RNF152: variants seen among roughly 807,000 people sequenced by gnomAD.
RNF152 encodes the protein E3 ubiquitin-protein ligase RNF152.
Under a neutral mutation model 12.7 loss-of-function variants are expected in RNF152, and 11 were observed. The ratio of observed to expected loss-of-function variants is 0.86; its 90% confidence interval spans 0.54 to 1.43. RNF152 has a LOEUF of 1.43. Among genes scored for constraint, RNF152 ranks in the 40% most tolerant of loss-of-function variants. The pLI is 0.00. For synonymous variants in RNF152, 113 were observed against 120.3 expected (o/e 0.94, Z 0.40); for missense variants, 255 against 274.8 (o/e 0.93, Z 0.51).
chr18:61,823,500 T>C (rs1909516492), intron 1 of RNF152, among the ~76,000 whole-genome samples: 1 of 152,212 alleles, frequency 6.6e-6, no homozygotes, highest in South Asian at 2.1e-4. Context: ...GGTTTCGCCA[T>C]ATTGGCCAGG....
At position 61,820,328 on chromosome 18, in the gene RNF152, CACCAAAAA is replaced by C. The variant is rs1365604508; in HGVS notation, c.-135-3738_-135-3731del. Among the ~76,000 whole-genome samples, 83 of 28,098 alleles carry C rather than the reference CACCAAAAA, an allele frequency of 3.0e-3. 1 individual carries two copies. Among genetic ancestry groups the C allele is most frequent in the African/African-American group, 5.8e-3 (30 of 5,214 alleles). 18.4% of individuals were successfully genotyped at this position (28,098 alleles called of 152,430 possible). On this transcript the variant is annotated intron_variant, in intron 1 of 1. Coordinates refer to ENST00000312828, the MANE Select transcript of RNF152 (RefSeq NM_173557.3). Reference sequence around the variant, plus strand: ...TGGGTGACAGAGAGAGACTCCGTCTCACCAAAAAAAAAAAAAAAAAAAAAAAAAAAAGA... The same window carrying C: ...TGGGTGACAGAGAGAGACTCCGTCTCAAAAAAAAAAAAAAAAAAAAAAAGA...
intron 1 of RNF152, among the ~76,000 whole-genome samples, chr18:61,819,897 T>C (rs1909298175): frequency 6.6e-6 from 1 of 151,682 alleles, no homozygotes; most frequent in Non-Finnish European, 1.5e-5. Context: ...GGTGGACACC[T>C]GTAATCCCAG....
In RNF152 at chr18:61,815,969, G is replaced by C. The variant is rs4538107; in HGVS notation, c.495C>G (p.Thr165=). The change falls in exon 2 of 2, where the codon ACC becomes ACG. Residue 165 remains threonine (T), a synonymous_variant. Coordinates refer to ENST00000312828, the MANE Select transcript of RNF152 (RefSeq NM_173557.3). The stretch of plus-strand genomic sequence containing the variant: ...AGATGACAGTGCACACCCCCGACCA[G>C]GTGGAGCTTTTCACCACGCCCCGCC... ...QDRRGVVKSS[T]WSGVCTVILV... 98,275 of 1,614,136 alleles carry C rather than the reference G, an allele frequency of 0.061. 3,537 individuals are homozygous for C. The highest frequency in any genetic ancestry group is 0.07 in the Non-Finnish European group (82,369 of 1,180,000).
At chr18:61,888,442 G>A (rs1599331467) in intron 1 of RNF152, 1 of 152,142 alleles carries the variant, frequency 6.6e-6, no homozygotes, top group African/African-American at 2.4e-5. Flanking sequence ...AGTAGAAACC[G>A]TACTTTGAGT....
chr18:61,828,889 A>G (rs776254447), intron 1 of RNF152, among the ~76,000 whole-genome samples: 93 of 152,202 alleles, frequency 6.1e-4, no homozygotes, highest in Non-Finnish European at 1.3e-4. Context: ...AACTACAGTC[A>G]TGTGATTGAT....
intron 1 of RNF152, among the ~76,000 whole-genome samples, chr18:61,822,552 T>C (rs2144628516): frequency 6.6e-6 from 1 of 152,372 alleles, no homozygotes; most frequent in South Asian, 2.1e-4. Context: ...TGAATTTTTA[T>C]AATCCCAGTT....
intron 1 of RNF152, chr18:61,890,296 C>G (rs1430530634): frequency 6.6e-6 from 1 of 152,320 alleles, no homozygotes; most frequent in South Asian, 2.1e-4. Flanking sequence ...CCTTTTTCAG[C>G]ACAAGAAATA....
intron 1 of RNF152, among the ~76,000 whole-genome samples, chr18:61,841,585 G>A (rs535834881): frequency 3.9e-5 from 6 of 152,234 alleles, no homozygotes; most frequent in African/African-American, 1.4e-4. Context: ...TAACTTTGGG[G>A]GGTTACAAGT....
At chr18:61,863,303 C>A (rs549253487) in intron 1 of RNF152, among the ~76,000 whole-genome samples, 27 of 152,120 alleles carry the variant, frequency 1.8e-4, no homozygotes, top group Non-Finnish European at 3.5e-4. Flanking sequence ...GGCGTGGTGA[C>A]ACACGCCTGT....
chr18:61,830,887 T>C (rs544121740), intron 1 of RNF152, among the ~76,000 whole-genome samples: 44 of 152,336 alleles, frequency 2.9e-4, no homozygotes, highest in Non-Finnish European at 6.0e-4. Context: ...AGATAGCCAA[T>C]ACTCTCTGAA....
intron 1 of RNF152, among the ~76,000 whole-genome samples, chr18:61,848,562 C>T (rs1301580946): frequency 1.3e-5 from 2 of 152,198 alleles, no homozygotes; most frequent in Non-Finnish European, 1.5e-5. Context: ...ACACAGTTAC[C>T]TTCTTAGTAG....
chr18:61,886,502 A>C (rs546221166), intron 1 of RNF152, among the ~76,000 whole-genome samples: 2 of 152,348 alleles, frequency 1.3e-5, no homozygotes, highest in South Asian at 4.1e-4. Flanking sequence ...GCTTTAATAC[A>C]AAATAGGCTT....
chr18:61,864,030 C>A (rs1180641760), intron 1 of RNF152, among the ~76,000 whole-genome samples: 1 of 152,224 alleles, frequency 6.6e-6, no homozygotes, highest in Non-Finnish European at 1.5e-5. Flanking sequence ...CCCTTACAGC[C>A]ACAATCTGTT....
chr18:61,866,079 T>C lies in RNF152; in HGVS notation c.-136+26716A>G, dbSNP rs1056543603. Among the ~76,000 whole-genome samples the C allele has an allele frequency of 7.9e-5, 12 of 152,158 alleles. No homozygotes were observed. In the East Asian group the frequency reaches 1.2e-3, roughly 15 times the overall value. ...GTCTGCGTGGAGGAACAGGCAGGAA[T>C]ATTCCTGGCCATATACTCCCACCTC... On this transcript the variant is annotated intron_variant, in intron 1 of 1. Transcript: ENST00000312828.
At chr18:61,875,004 T>A (rs1912152974) in intron 1 of RNF152, 1 of 152,256 alleles carries the variant, frequency 6.6e-6, no homozygotes, top group East Asian at 1.9e-4. Context: ...GGCCAGCACC[T>A]GGCCATCCCC....
intron 1 of RNF152, among the ~76,000 whole-genome samples, chr18:61,858,424 C>A (rs1027366750): frequency 4.6e-5 from 7 of 151,864 alleles, no homozygotes; most frequent in Non-Finnish European, 1.0e-4. Context: ...GCTCTCTGGA[C>A]CTATCTCCCC....
chr18:61,852,677 G>A (rs1911040179), intron 1 of RNF152, among the ~76,000 whole-genome samples: 1 of 152,128 alleles, frequency 6.6e-6, no homozygotes, highest in African/African-American at 2.4e-5. Context: ...CCAGTGCTGT[G>A]GTTTGGCTTC....
chr18:61,834,127 A>G (rs1445325197), intron 1 of RNF152, among the ~76,000 whole-genome samples: 2 of 152,162 alleles, frequency 1.3e-5, no homozygotes, highest in Non-Finnish European at 2.9e-5. Flanking sequence ...CCTGGCTTGA[A>G]TCCCACACTC....
upstream of RNF152, chr18:61,894,008 G>A: frequency 6.6e-6 from 1 of 151,566 alleles, no homozygotes. This position sits in a 1 kb window ranked among gnomAD's most constrained non-coding sequence, Gnocchi z 4.9. Flanking sequence ...GATCTCCCCA[G>A]TTACAGCAGG....
Sources: allele counts gnomAD v4.1 joint callset (sites outside exome capture counted in the v4.1 genomes callset), GRCh38; gene constraint gnomAD v4.1.1; non-coding constraint Gnocchi (gnomAD v3.1); transcripts MANE v1.5; gene names NCBI Gene and HGNC (gene_info 2026-07-23, HGNC 2026-07-21).